Variants in POLR2F observed in about 807,000 individuals in gnomAD.
The protein encoded by POLR2F is DNA-directed RNA polymerases I, II, and III subunit RPABC2.
In POLR2F, 12 loss-of-function variants were observed where a neutral mutation model predicts 22.7. The ratio of observed to expected loss-of-function variants is 0.53; its 90% CI spans 0.34 to 0.86. The LOEUF (loss-of-function observed/expected upper bound fraction) is 0.86. POLR2F is among the 40% of genes least tolerant of loss of function. The pLI, the probability that POLR2F is intolerant of heterozygous loss-of-function variation, is 0.02. For missense variants in POLR2F, 126 were observed against 171.5 expected (o/e 0.73, Z 1.48); for synonymous variants, 57 against 66.0 (o/e 0.86, Z 0.66).
At chr22:37,961,378 G>A (rs1216814662) in intron 3 of POLR2F, among the ~76,000 whole-genome samples, 1 of 152,176 alleles carries the variant, frequency 6.6e-6, no homozygotes, top group Non-Finnish European at 1.5e-5. Flanking sequence ...GGTTCTTGAT[G>A]TGAGGTAGAC....
downstream of POLR2F, among the ~76,000 whole-genome samples, chr22:38,026,884 G>A (rs1284176064): frequency 1.4e-5 from 2 of 140,824 alleles, no homozygotes; most frequent in Admixed American, 7.1e-5. Context: ...CTCCTACCCC[G>A]GCTGCCTCTG....
chr22:37,966,489 G>C (rs1387234871), intron 3 of POLR2F, among the ~76,000 whole-genome samples: 2 of 152,068 alleles, frequency 1.3e-5, no homozygotes, highest in African/African-American at 4.8e-5. Context: ...GAATGGAAAT[G>C]ATGCCGGGCA....
chr22:37,972,849 T>A (rs1932100353), downstream of POLR2F: 1 of 153,492 alleles, frequency 6.5e-6, no homozygotes, highest in Non-Finnish European at 1.4e-5. Context: ...AAGAATGAGG[T>A]TATTGGCACA....
upstream of POLR2F, chr22:37,983,668 T>C (rs1372526277): frequency 6.3e-7 from 1 of 1,579,500 alleles, no homozygotes; most frequent in Non-Finnish European, 8.6e-7. The surrounding 1 kb of genome is among the most constrained non-coding windows in gnomAD (Gnocchi z 9.5). Context: ...GCAGGCCCGA[T>C]CCGCCGCCGC....
chr22:37,967,247 T>C (rs568515599), intron 4 of POLR2F, 77 bp downstream of exon 4: 2 of 1,600,460 alleles, frequency 1.2e-6, no homozygotes, highest in Non-Finnish European at 1.7e-6. Context: ...CACCCTTTGC[T>C]CCCACTTGCC....
At chr22:37,973,932 T>C (rs1601879098), downstream of POLR2F, 1 of 1,610,490 alleles carries the variant, frequency 6.2e-7, no homozygotes, top group Non-Finnish European at 8.5e-7. Flanking sequence ...GCCAGGGCAC[T>C]GCCCAGCCCA....
intron 1 of POLR2F, among the ~76,000 whole-genome samples, chr22:37,999,301 C>T (rs1009115795): frequency 1.1e-4 from 16 of 152,254 alleles, no homozygotes; most frequent in East Asian, 3.9e-4. Context: ...ACATTTCTAC[C>T]GGGTGGCTGC....
chr22:37,971,306 A>G (rs1057244449), downstream of POLR2F: 3 of 471,012 alleles, frequency 6.4e-6, no homozygotes, highest in Non-Finnish European at 1.3e-5. Context: ...CATCTGGAAA[A>G]TTGAGATAAC....
chr22:37,959,609 C>T lies in POLR2F; in HGVS notation c.221+133C>T, dbSNP rs890011412. 8 of 988,950 alleles carry T rather than the reference C, an allele frequency of 8.1e-6. No individual in the cohort carries two copies. The African/African-American group carries it at 9.6e-5, about 12-fold the overall frequency. The allele number at this position is 988,950 out of a possible 1,614,324, so 61.3% of individuals were successfully genotyped here. On this transcript the variant is annotated intron_variant, in intron 3 of 4. Transcript: ENST00000442738. ...CATTCCAAAAGTGGTGCCGTCCCTG[C>T]GTACCAGGCATTGAGCTAGTCCCCT...
intron 5 of POLR2F, chr22:38,033,212 CTT>C (rs2085082888): frequency 6.6e-6 from 1 of 151,990 alleles, no homozygotes; most frequent in South Asian, 2.1e-4. Flanking sequence ...TGGACAAAAT[CTT>C]GAGATTTTGC....
At chr22:38,023,897 A>G (rs2084983360) in intron 1 of POLR2F, among the ~76,000 whole-genome samples, 2 of 146,170 alleles carry the variant, frequency 1.4e-5, no homozygotes, top group Non-Finnish European at 3.0e-5. Flanking sequence ...GCTGGAGTGC[A>G]ATGGCATGAT....
At chr22:37,955,713 C>T (rs1276286744) in intron 1 of POLR2F, among the ~76,000 whole-genome samples, 1 of 152,002 alleles carries the variant, frequency 6.6e-6, no homozygotes, top group East Asian at 1.9e-4. Flanking sequence ...GAAGGAGTCT[C>T]GCTGTGTCAC....
At chr22:38,013,633 A>G (rs2084891100) in intron 1 of POLR2F, among the ~76,000 whole-genome samples, 1 of 152,228 alleles carries the variant, frequency 6.6e-6, no homozygotes, top group South Asian at 2.1e-4. Flanking sequence ...TTAGCTGTAC[A>G]GTATCTAGTA....
At chr22:37,958,873 GTAAT>G (rs1931509743) in intron 2 of POLR2F, among the ~76,000 whole-genome samples, 1 of 152,212 alleles carries the variant, frequency 6.6e-6, no homozygotes. Flanking sequence ...TGCTTAGTAA[GTAAT>G]TGTTAAATAT....
Position 37,967,031 on chromosome 22 carries a change from C to T in POLR2F, c.222-68C>T, listed in dbSNP as rs906467457. On this transcript the variant is annotated intron_variant, in intron 3 of 4. Coordinates refer to ENST00000442738, the MANE Select transcript of POLR2F (RefSeq NM_021974.5). The stretch of plus-strand genomic sequence containing the variant: ...GGTGGGGACCAGGATGCCGTTCCAC[C>T]CTCACTGCCTGTTGGGCCCTTCTCC... 18 of 1,175,194 alleles carry T rather than the reference C, an allele frequency of 1.5e-5. No homozygotes were observed. The African/African-American group carries it at 2.5e-4, about 16-fold the overall frequency. 72.8% of individuals were successfully genotyped at this position (1,175,194 alleles called of 1,614,324 possible).
chr22:38,041,192 G>A (rs531639665), downstream of POLR2F: 93 of 1,593,814 alleles, frequency 5.8e-5, no homozygotes, highest in Non-Finnish European at 7.2e-5. Flanking sequence ...TGGTCAAGGC[G>A]GCCGCCAGGG....
Position 37,956,775 on chromosome 22 carries a change from T to C in POLR2F, c.23T>C (p.Phe8Ser). The C allele has an allele frequency of 1.9e-6, 3 of 1,613,572 alleles. No homozygotes were observed. Among genetic ancestry groups the C allele is most frequent in the Admixed American group, 1.7e-5 (1 of 60,014 alleles). The change falls in exon 2 of 5, where the codon TTT becomes TCT. Residue 8 changes from phenylalanine to serine, a missense_variant and splice_region_variant. By Grantham distance (155) the Phe-to-Ser change is radical (BLOSUM62 -2). Coordinates refer to ENST00000442738, the MANE Select transcript of POLR2F (RefSeq NM_021974.5). MSDNEDN[F>S]DGDDFDDVEE... ...ACTGATCTCTTCTTCCTGTACAGTT[T>C]TGATGGCGACGACTTTGATGATGTG... is the stretch of plus-strand genomic sequence containing the variant.
intron 1 of POLR2F, among the ~76,000 whole-genome samples, chr22:37,992,974 G>T: frequency 6.6e-6 from 1 of 152,174 alleles, no homozygotes; most frequent in East Asian, 1.9e-4. Context: ...AGGGGTGAGT[G>T]TGCCCCTTGT....
At chr22:37,977,158 ACT>A (rs1456221031) in intron 4 of POLR2F, among the ~76,000 whole-genome samples, 3 of 143,988 alleles carry the variant, frequency 2.1e-5, no homozygotes, top group Non-Finnish European at 4.6e-5. Flanking sequence ...ACAGAGTGAG[ACT>A]CTGTCTCCAG....
Sources: gnomAD v4.1 joint callset for allele counts (sites outside exome capture counted in the v4.1 genomes callset) on GRCh38, gnomAD v4.1.1 for gene constraint, Gnocchi (gnomAD v3.1) non-coding constraint, MANE v1.5 for transcripts, NCBI Gene and HGNC (gene_info 2026-07-23, HGNC 2026-07-21) for gene names.